INPP5A: variants seen among roughly 807,000 people sequenced by gnomAD.
INPP5A encodes 43 kDa inositol polyphosphate 5-phophatase.
A neutral mutation model predicts 65.2 loss-of-function variants in INPP5A; 14 were observed. The ratio of observed to expected loss-of-function variants is 0.21; its 90% CI spans 0.14 to 0.34. The LOEUF is 0.34. INPP5A is among the 10% of genes least tolerant of loss of function. The pLI, the probability that INPP5A is intolerant of heterozygous loss-of-function variation, is 1.00. For missense variants in INPP5A, 431 were observed against 545.6 expected, an observed-to-expected ratio of 0.79 and a Z score of 2.09; for synonymous variants, 207 against 208.3, an observed-to-expected ratio of 0.99 and a Z score of 0.05.
intron 2 of INPP5A, among the ~76,000 whole-genome samples, chr10:132,628,212 C>T (rs989839120): frequency 6.6e-6 from 1 of 152,206 alleles, no homozygotes; most frequent in East Asian, 1.9e-4. Flanking sequence ...CAGTAAGGGC[C>T]GGCATGGCTG....
In INPP5A at chr10:132,549,887, G is replaced by A. The variant is rs2071028598; in HGVS notation, c.75+11716G>A. Reference sequence around the variant, plus strand: ...CCTCAAATTATTAACCAGGCATTAGGGGATGGGGTCAGCCTCGAGTTACTA... The same window carrying A: ...CCTCAAATTATTAACCAGGCATTAGAGGATGGGGTCAGCCTCGAGTTACTA... On this transcript the variant is annotated intron_variant, in intron 1 of 15. Coordinates refer to ENST00000368594, the MANE Select transcript of INPP5A (RefSeq NM_005539.5). This position sits in a 1 kb window ranked among gnomAD's most constrained non-coding sequence, Gnocchi z 4.9. Among the ~76,000 whole-genome samples, 1 of 151,762 alleles carries A rather than the reference G, an allele frequency of 6.6e-6. No individual in the cohort carries two copies. Among genetic ancestry groups the A allele is most frequent in the South Asian group, 2.1e-4 (1 of 4,786 alleles).
At chr10:132,571,115 G>A (rs370709851) in intron 1 of INPP5A, among the ~76,000 whole-genome samples, 1 of 152,264 alleles carries the variant, frequency 6.6e-6, no homozygotes, top group Admixed American at 6.5e-5. Flanking sequence ...CCTCCTCACC[G>A]TGGGCTCCGC....
chr10:132,643,708 G>A (rs1416155377), intron 2 of INPP5A, among the ~76,000 whole-genome samples: 1 of 152,126 alleles, frequency 6.6e-6, no homozygotes, highest in African/African-American at 2.4e-5. Flanking sequence ...TGGTGCATTC[G>A]AGGTGCTGTG....
At chr10:132,623,306 C>T (rs1390429691) in intron 2 of INPP5A, among the ~76,000 whole-genome samples, 2 of 151,964 alleles carry the variant, frequency 1.3e-5, no homozygotes, top group African/African-American at 2.4e-5. Flanking sequence ...AAATACAGAT[C>T]AGTGGAACAG....
rs540258601 is a variant in INPP5A at position 132,537,902 on chromosome 10, A to C, written c.-195A>C. The C allele has an allele frequency of 1.3e-4, 27 of 207,104 alleles. No homozygotes were observed. The Admixed American group carries it at 1.7e-3, about 13-fold the overall frequency. 12.8% of individuals were successfully genotyped at this position (207,104 alleles called of 1,614,324 possible). On this transcript the variant is annotated 5_prime_UTR_variant, in exon 1 of 16. Transcript: ENST00000368594. ...AGCGACGGGCGCGGGGCCGCGGAGCAGCGAGCGAGCGAGCGAGCGCGAGGC... is the reference window on the plus strand; with the variant it reads ...AGCGACGGGCGCGGGGCCGCGGAGCCGCGAGCGAGCGAGCGAGCGCGAGGC...
chr10:132,684,310 C>G (rs2804001), intron 4 of INPP5A, among the ~76,000 whole-genome samples: 16,065 of 152,234 alleles, frequency 0.11, 916 homozygotes, highest in African/African-American at 0.11. Context: ...TCATGCCTGT[C>G]TCCTGAGAGC....
In INPP5A at chr10:132,650,289, C is replaced by G; in HGVS notation, c.219-129C>G. ...GCTGCCGCCATTCCCTGCCCTCTGC[C>G]TGTCACGGGTGGATGGTCTCACGGT... On this transcript the variant is annotated intron_variant, in intron 3 of 15. Coordinates refer to ENST00000368594, the MANE Select transcript of INPP5A (RefSeq NM_005539.5). The surrounding 1 kb of genome is among the most constrained non-coding windows in gnomAD (Gnocchi z 5.5). 1.5e-6 allele frequency: 1 copy of G among 673,650 alleles called. No homozygotes were observed. Among genetic ancestry groups the G allele is most frequent in the South Asian group, 1.7e-5 (1 of 60,150 alleles). 41.7% of individuals were successfully genotyped at this position (673,650 alleles called of 1,614,324 possible). A position where few individuals can be genotyped will look rare whatever the true frequency, so the allele number is the denominator to read the frequency against.
In INPP5A at chr10:132,740,625, G is replaced by A. The variant is rs145095993; in HGVS notation, c.733-8892G>A. On this transcript the variant is annotated intron_variant, in intron 9 of 15. Transcript: ENST00000368594. ...GCCTTTTGTTGTGAACCATATTTTA[G>A]AAATCCTTTTCTACTTCCTCCTTTC... Among the ~76,000 whole-genome samples, 577 of 152,276 alleles carry A rather than the reference G, an allele frequency of 3.8e-3. 2 individuals carry two copies. Among genetic ancestry groups the A allele is most frequent in the Non-Finnish European group, 6.4e-3 (436 of 68,010 alleles).
In INPP5A at chr10:132,659,002, G is replaced by A. The variant is rs796337607; in HGVS notation, c.306+8497G>A. On this transcript the variant is annotated intron_variant, in intron 4 of 15. Coordinates refer to ENST00000368594, the MANE Select transcript of INPP5A (RefSeq NM_005539.5). This position sits in a 1 kb window ranked among gnomAD's most constrained non-coding sequence, Gnocchi z 5.5. ...GGGAAGCTCCTTCTGCCATCACCTG[G>A]AGTCAGCTGCCGTCCACAGTGGAAG... is the stretch of plus-strand genomic sequence containing the variant. Among the ~76,000 whole-genome samples, 1 of 152,172 alleles carries A rather than the reference G, an allele frequency of 6.6e-6. No individual in the cohort carries two copies. The highest frequency in any genetic ancestry group is 1.9e-4 in the East Asian group (1 of 5,192).
intron 12 of INPP5A, among the ~76,000 whole-genome samples, chr10:132,776,666 C>T (rs77340013): frequency 3.3e-5 from 5 of 152,316 alleles, no homozygotes; most frequent in East Asian, 1.9e-4. Flanking sequence ...CCCCGGGGTT[C>T]GTTCACTCCA....
Position 132,650,846 on chromosome 10 carries a change from G to A in INPP5A, c.306+341G>A, listed in dbSNP as rs1303812853. ...CTCCAGGCGTGTAGATGAGAGGTTG[G>A]ACAGCAGCCGGTATTGCTTCAAGAG... is the stretch of plus-strand genomic sequence containing the variant. On this transcript the variant is annotated intron_variant, in intron 4 of 15. Coordinates refer to ENST00000368594, the MANE Select transcript of INPP5A (RefSeq NM_005539.5). This position sits in a 1 kb window ranked among gnomAD's most constrained non-coding sequence, Gnocchi z 5.5. Among the ~76,000 whole-genome samples the A allele has an allele frequency of 6.6e-6, 1 of 151,856 alleles. No individual in the cohort carries two copies. The highest frequency in any genetic ancestry group is 1.5e-5 in the Non-Finnish European group (1 of 67,924).
intron 1 of INPP5A, among the ~76,000 whole-genome samples, chr10:132,572,461 T>C (rs1020522695): frequency 6.6e-6 from 1 of 152,064 alleles, no homozygotes; most frequent in African/African-American, 2.4e-5. Context: ...GCTGGTGCTG[T>C]CCTGGGGGAG....
intron 2 of INPP5A, among the ~76,000 whole-genome samples, chr10:132,638,669 G>A (rs1351637664): frequency 2.0e-5 from 3 of 152,210 alleles, no homozygotes; most frequent in Non-Finnish European, 4.4e-5. Flanking sequence ...TTGGGCTTAT[G>A]TGATTCTCCT....
At chr10:132,712,866 C>T (rs980592887) in intron 8 of INPP5A, among the ~76,000 whole-genome samples, 8 of 129,204 alleles carry the variant, frequency 6.2e-5, no homozygotes, top group Admixed American at 3.1e-4. Context: ...GGGTACGTGT[C>T]GATGTGTAGG....
rs2071118603 is a variant in INPP5A at position 132,555,803 on chromosome 10, C to T, written c.75+17632C>T. Among the ~76,000 whole-genome samples the T allele has an allele frequency of 6.6e-6, 1 of 152,220 alleles. No homozygotes were observed. The highest frequency in any genetic ancestry group is 1.5e-5 in the Non-Finnish European group (1 of 68,036). Reference sequence around the variant, plus strand: ...TTTTGTTGCCCTCAGCACGTGTGGTCTGCACAGACAGACCAGGGGGTGACT... The same window carrying T: ...TTTTGTTGCCCTCAGCACGTGTGGTTTGCACAGACAGACCAGGGGGTGACT... On this transcript the variant is annotated intron_variant, in intron 1 of 15. Transcript: ENST00000368594. This position sits in a 1 kb window ranked among gnomAD's most constrained non-coding sequence, Gnocchi z 4.4.
chr10:132,759,088 C>T (rs1204430246), intron 11 of INPP5A, among the ~76,000 whole-genome samples: 1 of 152,254 alleles, frequency 6.6e-6, no homozygotes, highest in African/African-American at 2.4e-5. Flanking sequence ...TTCCAGAGCA[C>T]TGTGCATGGT....
At chr10:132,577,504 C>A (rs891714927) in intron 1 of INPP5A, among the ~76,000 whole-genome samples, 7 of 152,238 alleles carry the variant, frequency 4.6e-5, no homozygotes, top group Non-Finnish European at 1.0e-4. Context: ...ACAGTGGGCC[C>A]CTGCTGTCTT....
At chr10:132,610,664 G>T (rs569180966) in intron 2 of INPP5A, among the ~76,000 whole-genome samples, 1 of 152,348 alleles carries the variant, frequency 6.6e-6, no homozygotes, top group South Asian at 2.1e-4. Context: ...CCAGTGCTGG[G>T]TCGGCTGGGC....
rs1590841053 is a variant in INPP5A, at chr10:132,575,388, A to C, written c.76-32527A>C. 1.3e-5 allele frequency among the ~76,000 whole-genome samples: 2 copies of C among 152,282 alleles called. No homozygotes were observed. The highest frequency in any genetic ancestry group is 3.9e-4 in the East Asian group (2 of 5,182). ...GCCTGCTCCCAGCCCCCCGCAGCTCACAGGGTCAGGATGGGAGGGGAGTAC... is the reference window on the plus strand; with the variant it reads ...GCCTGCTCCCAGCCCCCCGCAGCTCCCAGGGTCAGGATGGGAGGGGAGTAC... On this transcript the variant is annotated intron_variant, in intron 1 of 15. Coordinates refer to ENST00000368594, the MANE Select transcript of INPP5A (RefSeq NM_005539.5). This position sits in a 1 kb window ranked among gnomAD's most constrained non-coding sequence, Gnocchi z 5.4.
Sources: allele counts gnomAD v4.1 joint callset (sites outside exome capture counted in the v4.1 genomes callset), GRCh38; gene constraint gnomAD v4.1.1; non-coding constraint Gnocchi (gnomAD v3.1); transcripts MANE v1.5; gene names NCBI Gene and HGNC (gene_info 2026-07-23, HGNC 2026-07-21).